The following CCDC178 variants were observed in gnomAD, a reference collection of about 807,000 sequenced individuals.
CCDC178 encodes coiled-coil domain-containing protein 178.
A neutral mutation model predicts 117.4 loss-of-function variants in CCDC178; 126 were observed. The ratio of observed to expected loss-of-function variants is 1.07; its 90% CI spans 0.93 to 1.24. The LOEUF (loss-of-function observed/expected upper bound fraction) is 1.24, where lower values mean the gene tolerates loss of function less well. CCDC178 is among the 50% of genes most tolerant of loss of function. CCDC178 has a pLI of 0.00. For missense variants in CCDC178, 1,030 were observed against 986.9 expected (o/e 1.04, Z -0.59); for synonymous variants, 283 against 313.4 (o/e 0.90, Z 1.02).
intron 20 of CCDC178, among the ~76,000 whole-genome samples, chr18:33,154,077 G>A (rs373801774): frequency 2.6e-4 from 40 of 152,200 alleles, no homozygotes; most frequent in African/African-American, 9.4e-4. Flanking sequence ...ATGGAAATGA[G>A]TTCAGTTTCT....
intron 20 of CCDC178, among the ~76,000 whole-genome samples, chr18:33,126,751 T>C (rs1051626872): frequency 3.9e-5 from 6 of 151,968 alleles, no homozygotes; most frequent in Middle Eastern, 3.4e-3. Context: ...CTCTGCCTCC[T>C]GGGTTTAAGT....
At chr18:33,376,502 G>A (rs1359311615) in intron 5 of CCDC178, among the ~76,000 whole-genome samples, 1 of 152,050 alleles carries the variant, frequency 6.6e-6, no homozygotes, top group Non-Finnish European at 1.5e-5. Flanking sequence ...TGTTACACAG[G>A]TATATGGTGT....
intron 20 of CCDC178, among the ~76,000 whole-genome samples, chr18:33,097,216 G>T (rs2057556513): frequency 6.6e-6 from 1 of 152,038 alleles, no homozygotes; most frequent in African/African-American, 2.4e-5. Context: ...CTCTCTTTGA[G>T]GGCATTCACC....
intron 9 of CCDC178, among the ~76,000 whole-genome samples, chr18:33,336,133 A>T (rs796999287): frequency 1.2e-4 from 18 of 152,224 alleles, no homozygotes; most frequent in African/African-American, 4.3e-4. Flanking sequence ...TTCAGGAAGC[A>T]TTGTTTTCTT....
intron 15 of CCDC178, among the ~76,000 whole-genome samples, chr18:33,235,384 A>T (rs1298658274): frequency 6.6e-6 from 1 of 152,040 alleles, no homozygotes; most frequent in Non-Finnish European, 1.5e-5. Context: ...CAAGACTGGC[A>T]TGAGATGTCC....
At chr18:33,070,568 T>C (rs1457617373) in intron 21 of CCDC178, among the ~76,000 whole-genome samples, 1 of 151,956 alleles carries the variant, frequency 6.6e-6, no homozygotes, top group Non-Finnish European at 1.5e-5. Context: ...AACATACAGT[T>C]ACCTAGAAGG....
chr18:33,008,207 C>A (rs759777670), intron 21 of CCDC178, among the ~76,000 whole-genome samples: 2 of 152,124 alleles, frequency 1.3e-5, no homozygotes, highest in Non-Finnish European at 2.9e-5. Context: ...CAAGCCAATA[C>A]TCCTTCCATT....
At chr18:33,240,836 C>A (rs566237510) in intron 15 of CCDC178, among the ~76,000 whole-genome samples, 2 of 151,954 alleles carry the variant, frequency 1.3e-5, no homozygotes, top group African/African-American at 4.8e-5. Flanking sequence ...AGAGAAAATT[C>A]TTCCTAGGTC....
chr18:32,998,849 T>C (rs150963490), intron 21 of CCDC178, among the ~76,000 whole-genome samples: 215 of 152,140 alleles, frequency 1.4e-3, no homozygotes, highest in African/African-American at 4.9e-3. Flanking sequence ...GTTGGTGAGA[T>C]ACCCAGGCCT....
rs149789406 is a variant in CCDC178, at chr18:33,375,203, T to G, written c.209-5014A>C. Among the ~76,000 whole-genome samples, 362 of 152,320 alleles carry G rather than the reference T, an allele frequency of 2.4e-3. 2 individuals carry two copies. The highest frequency in any genetic ancestry group is 7.9e-3 in the African/African-American group (330 of 41,580). On this transcript the variant is annotated intron_variant, in intron 5 of 22. Transcript: ENST00000383096. ...TTGTATCGTTCTCCTACTTTAACTT[T>G]TTATACTAAAAAACATTGTAGACAG...
At chr18:32,945,616 C>T (rs187555939) in intron 22 of CCDC178, among the ~76,000 whole-genome samples, 27 of 152,140 alleles carry the variant, frequency 1.8e-4, no homozygotes, top group Non-Finnish European at 2.8e-4. Context: ...GAGAAGGCCA[C>T]ATGGCTTAAC....
chr18:33,159,113 A>T (rs527838005), intron 20 of CCDC178, among the ~76,000 whole-genome samples: 4 of 152,242 alleles, frequency 2.6e-5, no homozygotes, highest in Admixed American at 6.5e-5. Flanking sequence ...CCATGTGATT[A>T]ATTTATTATG....
chr18:33,084,138 T>TTACACC (rs910404707), intron 21 of CCDC178, among the ~76,000 whole-genome samples: 14 of 113,692 alleles, frequency 1.2e-4, no homozygotes, highest in African/African-American at 7.0e-4. Context: ...TTACAACATG[T>TTACACC]TCTTGTAGCT....
chr18:33,431,822 C>G (rs976217608), intron 2 of CCDC178, among the ~76,000 whole-genome samples: 4 of 152,196 alleles, frequency 2.6e-5, no homozygotes, highest in Admixed American at 2.6e-4. Context: ...TATATCATAA[C>G]AAGACTTTGT....
intron 21 of CCDC178, among the ~76,000 whole-genome samples, chr18:32,977,038 CAAAT>C (rs2055043015): frequency 6.6e-6 from 1 of 152,042 alleles, no homozygotes; most frequent in African/African-American, 2.4e-5. Flanking sequence ...TTAACAAAGA[CAAAT>C]AATCTGTCAA....
At chr18:33,428,712 C>T (rs1339686613) in intron 2 of CCDC178, among the ~76,000 whole-genome samples, 1 of 108,996 alleles carries the variant, frequency 9.2e-6, no homozygotes, top group African/African-American at 3.7e-5. Context: ...AGCCTGGCAA[C>T]AGAGTGAGAC....
chr18:33,280,966 G>C (rs536105417), intron 12 of CCDC178, among the ~76,000 whole-genome samples: 5 of 152,044 alleles, frequency 3.3e-5, no homozygotes, highest in Admixed American at 2.6e-4. Context: ...GGTGGGGCGC[G>C]GGGGAGCGAT....
At chr18:33,205,822 A>G (rs553954958) in intron 20 of CCDC178, among the ~76,000 whole-genome samples, 28 of 152,298 alleles carry the variant, frequency 1.8e-4, no homozygotes, top group Non-Finnish European at 3.5e-4. Flanking sequence ...AGCTTCCCAA[A>G]TAGCTGGGAC....
At chr18:33,153,155 T>C (rs271508) in intron 20 of CCDC178, among the ~76,000 whole-genome samples, 3 of 146,158 alleles carry the variant, frequency 2.1e-5, no homozygotes, top group African/African-American at 5.1e-5. Context: ...TATATATATA[T>C]AACATATATT....
Sources: allele counts gnomAD v4.1 joint callset (sites outside exome capture counted in the v4.1 genomes callset), GRCh38; gene constraint gnomAD v4.1.1; transcripts MANE v1.5; gene names NCBI Gene and HGNC (gene_info 2026-07-23, HGNC 2026-07-21).